Variants in UNC5C observed in about 807,000 individuals in gnomAD.
UNC5C encodes netrin receptor UNC5C.
In UNC5C, 47 loss-of-function variants were observed where a neutral mutation model predicts 99.8. That is an observed-to-expected ratio of 0.47 (90% CI 0.37 to 0.60). UNC5C has a LOEUF of 0.60. Ranked by LOEUF, UNC5C falls within the 20% of genes least tolerant of loss-of-function variation. The pLI is 0.00. For missense variants in UNC5C, 1,062 were observed against 1,165.9 expected (o/e 0.91, Z 1.30); for synonymous variants, 487 against 452.2 (o/e 1.08, Z -0.98).
At chr4:95,535,426 TAGACTTAC>T (rs1722749305) in intron 1 of UNC5C, among the ~76,000 whole-genome samples, 1 of 152,184 alleles carries the variant, frequency 6.6e-6, no homozygotes, top group Admixed American at 6.6e-5. Flanking sequence ...TTGTATAGCA[TAGACTTAC>T]ATGATAAGAA....
chr4:95,517,554 T>A (rs944507736), intron 1 of UNC5C, among the ~76,000 whole-genome samples: 1 of 152,180 alleles, frequency 6.6e-6, no homozygotes. Flanking sequence ...AGGATAAAGA[T>A]AACAATTTTG....
At chr4:95,493,998 A>C (rs184362286) in intron 1 of UNC5C, among the ~76,000 whole-genome samples, 2 of 151,628 alleles carry the variant, frequency 1.3e-5, no homozygotes, top group East Asian at 3.9e-4. Context: ...TTCATGATTA[A>C]ATTTAAACTA....
At chr4:95,365,393 AATATAAT>A (rs1201275337) in intron 1 of UNC5C, among the ~76,000 whole-genome samples, 94 of 147,902 alleles carry the variant, frequency 6.4e-4, no homozygotes, top group African/African-American at 2.2e-3. Flanking sequence ...ACAAAAATTT[AATATAAT>A]ATATATTTTA....
chr4:95,485,901 T>C (rs1721314933), intron 1 of UNC5C, among the ~76,000 whole-genome samples: 1 of 151,740 alleles, frequency 6.6e-6, no homozygotes, highest in South Asian at 2.1e-4. Context: ...CATTTAATTA[T>C]ACAACTTTCC....
chr4:95,461,786 C>T (rs1255925321), intron 1 of UNC5C, among the ~76,000 whole-genome samples: 4 of 152,170 alleles, frequency 2.6e-5, no homozygotes, highest in Non-Finnish European at 4.4e-5. Flanking sequence ...GGAAGTCAAT[C>T]AGAGGTGATG....
At chr4:95,481,238 A>T (rs2149477864) in intron 1 of UNC5C, among the ~76,000 whole-genome samples, 1 of 152,248 alleles carries the variant, frequency 6.6e-6, no homozygotes. Flanking sequence ...GAGCCAAATC[A>T]TGAGTGAGCT....
At chr4:95,218,375 G>T (rs1231865012) in intron 9 of UNC5C, among the ~76,000 whole-genome samples, 1 of 152,114 alleles carries the variant, frequency 6.6e-6, no homozygotes, top group Non-Finnish European at 1.5e-5. Context: ...ATAATAAACT[G>T]AAACCAAGTA....
intron 1 of UNC5C, among the ~76,000 whole-genome samples, chr4:95,358,079 A>G (rs10516967): frequency 0.041 from 6,307 of 152,210 alleles, 425 homozygotes; most frequent in African/African-American, 0.14. Context: ...ACCATCATAC[A>G]ATATTTACAA....
intron 12 of UNC5C, among the ~76,000 whole-genome samples, chr4:95,199,232 A>G (rs1737555550): frequency 6.6e-6 from 1 of 152,198 alleles, no homozygotes; most frequent in Non-Finnish European, 1.5e-5. Context: ...GCAGGGCGCC[A>G]AGAAGGCAGA....
Position 95,168,372 on chromosome 4 carries a change from A to G in UNC5C, c.*862T>C, listed in dbSNP as rs1376105966. On this transcript the variant is annotated 3_prime_UTR_variant, in exon 16 of 16. Coordinates refer to ENST00000453304, the MANE Select transcript of UNC5C (RefSeq NM_003728.4). ...CAATAACCAAATACTAACAAACAGC[A>G]CTGCTAACAAAAATAGAAATTTAAA... is the stretch of plus-strand genomic sequence containing the variant. The G allele has an allele frequency of 2.6e-5, 4 of 152,232 alleles. No homozygotes were observed. The highest frequency in any genetic ancestry group is 4.4e-5 in the Non-Finnish European group (3 of 68,042). 9.4% of individuals were successfully genotyped at this position (152,232 alleles called of 1,614,324 possible).
intron 1 of UNC5C, among the ~76,000 whole-genome samples, chr4:95,444,856 A>G (rs879774445): frequency 6.6e-6 from 1 of 152,204 alleles, no homozygotes; most frequent in Non-Finnish European, 1.5e-5. Context: ...ATTAAAAAAA[A>G]TTAACTGAAA....
chr4:95,546,383 G>C (rs1723068563), intron 1 of UNC5C, among the ~76,000 whole-genome samples: 1 of 152,216 alleles, frequency 6.6e-6, no homozygotes, highest in Non-Finnish European at 1.5e-5. Context: ...CTGGGTTACT[G>C]TACTGCAGTG....
chr4:95,411,159 G>A (rs1745976001), intron 1 of UNC5C, among the ~76,000 whole-genome samples: 1 of 152,142 alleles, frequency 6.6e-6, no homozygotes, highest in Non-Finnish European at 1.5e-5. Flanking sequence ...GAATGACCAG[G>A]ACAGGGAAGA....
At chr4:95,445,885 C>T (rs549017282) in intron 1 of UNC5C, among the ~76,000 whole-genome samples, 2 of 151,962 alleles carry the variant, frequency 1.3e-5, no homozygotes, top group African/African-American at 2.4e-5. Flanking sequence ...CGATGTGACT[C>T]CCTGTTATTA....
chr4:95,317,764 T>C (rs1742532598), intron 2 of UNC5C, among the ~76,000 whole-genome samples: 1 of 152,160 alleles, frequency 6.6e-6, no homozygotes, highest in Admixed American at 6.5e-5. Context: ...GTTCCATTTA[T>C]AGTTACCTTA....
chr4:95,264,895 A>C (rs1740382057), intron 4 of UNC5C, among the ~76,000 whole-genome samples: 1 of 151,910 alleles, frequency 6.6e-6, no homozygotes, highest in African/African-American at 2.4e-5. Flanking sequence ...AACCTCTTTC[A>C]CTGGTCCTTT....
intron 1 of UNC5C, among the ~76,000 whole-genome samples, chr4:95,512,669 A>G (rs559113743): frequency 6.6e-6 from 1 of 152,282 alleles, no homozygotes; most frequent in Admixed American, 6.5e-5. Context: ...TGACATTTCA[A>G]TGGGGTTCAA....
At chr4:95,416,930 C>G (rs1424203652) in intron 1 of UNC5C, among the ~76,000 whole-genome samples, 1 of 152,138 alleles carries the variant, frequency 6.6e-6, no homozygotes, top group East Asian at 1.9e-4. Flanking sequence ...TATGATAGCT[C>G]ACTTCTGGTC....
intron 1 of UNC5C, among the ~76,000 whole-genome samples, chr4:95,469,763 G>A (rs972943638): frequency 2.0e-5 from 3 of 152,122 alleles, no homozygotes; most frequent in African/African-American, 7.2e-5. Context: ...AGGTCCCATG[G>A]TGTTAATCAA....
Sources: gnomAD v4.1 joint callset for allele counts (sites outside exome capture counted in the v4.1 genomes callset) on GRCh38, gnomAD v4.1.1 for gene constraint, MANE v1.5 for transcripts, NCBI Gene and HGNC (gene_info 2026-07-23, HGNC 2026-07-21) for gene names.